EPHB2: variants seen among roughly 807,000 people sequenced by gnomAD.
EPHB2 encodes the protein EPH receptor B2, also known as ephrin type-B receptor 2.
In EPHB2, 18 loss-of-function variants were observed where a neutral mutation model predicts 96.4. The ratio of observed to expected loss-of-function variants is 0.19; its 90% confidence interval spans 0.13 to 0.28. EPHB2 has a LOEUF of 0.28. Ranked by LOEUF, EPHB2 falls within the 10% of genes least tolerant of loss-of-function variation. The pLI, the probability that EPHB2 is intolerant of heterozygous loss-of-function variation, is 1.00. For synonymous variants in EPHB2, 506 were observed against 534.1 expected, an observed-to-expected ratio of 0.95 and a Z score of 0.72; for missense variants, 989 against 1,355.4, an observed-to-expected ratio of 0.73 and a Z score of 4.25.
intron 3 of EPHB2, among the ~76,000 whole-genome samples, chr1:22,791,447 C>G (rs2582019): frequency 7.3e-6 from 1 of 136,576 alleles, no homozygotes. Flanking sequence ...ACATGGGTTT[C>G]TTTCTTTCTT....
At chr1:22,762,082 C>A (rs1469526385) in intron 1 of EPHB2, among the ~76,000 whole-genome samples, 2 of 152,210 alleles carry the variant, frequency 1.3e-5, no homozygotes, top group Admixed American at 1.3e-4. Flanking sequence ...GTGGCAGACG[C>A]CCAGCCTGCC....
At chr1:22,835,241 A>G (rs549321726) in intron 3 of EPHB2, among the ~76,000 whole-genome samples, 2 of 152,160 alleles carry the variant, frequency 1.3e-5, no homozygotes, top group Non-Finnish European at 2.9e-5. Flanking sequence ...TTAGCTGGGC[A>G]TGGTGGCATG....
At chr1:22,897,782 G>C (rs190930075) in intron 9 of EPHB2, among the ~76,000 whole-genome samples, 2 of 151,106 alleles carry the variant, frequency 1.3e-5, no homozygotes, top group East Asian at 1.9e-4. Context: ...GCAAGACTCT[G>C]TCTCAAAATA....
At chr1:22,872,063 G>C (rs1638688064) in intron 5 of EPHB2, among the ~76,000 whole-genome samples, 1 of 152,016 alleles carries the variant, frequency 6.6e-6, no homozygotes. Flanking sequence ...GCTAAAAGCA[G>C]TGTTGGCAGG....
chr1:22,850,255 G>A (rs113267706), intron 3 of EPHB2, among the ~76,000 whole-genome samples: 2,396 of 152,316 alleles, frequency 0.016, 60 homozygotes, highest in African/African-American at 0.054. Context: ...ACCAGACACC[G>A]ACAGAATGAT....
At chr1:22,766,621 G>C (rs948727388) in intron 1 of EPHB2, among the ~76,000 whole-genome samples, 6 of 152,140 alleles carry the variant, frequency 3.9e-5, no homozygotes, top group African/African-American at 1.2e-4. Context: ...TGGTGGTTGG[G>C]GGGAGGAGAG....
At chr1:22,774,628 G>A (rs1216076522) in intron 1 of EPHB2, 6 of 985,152 alleles carry the variant, frequency 6.1e-6, no homozygotes, top group Middle Eastern at 5.2e-4. Flanking sequence ...CACGGAAGAC[G>A]GTGGCTGGAA....
intron 6 of EPHB2, among the ~76,000 whole-genome samples, chr1:22,884,444 A>G (rs1639157376): frequency 6.6e-6 from 1 of 151,964 alleles, no homozygotes; most frequent in South Asian, 2.1e-4. Context: ...ACATGGTGAA[A>G]CCCCATCTCT....
In EPHB2 at chr1:22,725,450, G is replaced by A. The variant is rs368491056; in HGVS notation, c.61+14407G>A. ...TTTTGGATAGTTGGTTGGATAAATCGATGAAATCAATGGATAAATAAACAA... is the reference window on the plus strand; with the variant it reads ...TTTTGGATAGTTGGTTGGATAAATCAATGAAATCAATGGATAAATAAACAA... On this transcript the variant is annotated intron_variant, in intron 1 of 15. Transcript: ENST00000374630. 1.3e-4 allele frequency among the ~76,000 whole-genome samples: 20 copies of A among 152,086 alleles called. 1 individual carries two copies. In the South Asian group the frequency reaches 4.0e-3, roughly 30 times the overall value.
intron 3 of EPHB2, among the ~76,000 whole-genome samples, chr1:22,853,212 G>A (rs1372595097): frequency 1.3e-5 from 2 of 152,252 alleles, no homozygotes; most frequent in African/African-American, 4.8e-5. Context: ...AATTAGCCGG[G>A]TGTGGTGGCG....
intron 1 of EPHB2, among the ~76,000 whole-genome samples, chr1:22,769,645 C>T (rs968836183): frequency 2.0e-5 from 3 of 152,066 alleles, no homozygotes; most frequent in Non-Finnish European, 2.9e-5. Context: ...TGAGCTCCAG[C>T]GATTCACCCA....
intron 1 of EPHB2, among the ~76,000 whole-genome samples, chr1:22,759,608 T>G (rs898151939): frequency 6.6e-6 from 1 of 152,138 alleles, no homozygotes; most frequent in African/African-American, 2.4e-5. Context: ...GACTGCGCTG[T>G]TGCCTTTCAG....
At chr1:22,764,087 G>A (rs1007507958) in intron 1 of EPHB2, among the ~76,000 whole-genome samples, 3 of 152,150 alleles carry the variant, frequency 2.0e-5, no homozygotes, top group Non-Finnish European at 4.4e-5. Context: ...GCTACGTAAG[G>A]CAACATTCCC....
rs1180685273 is a variant in EPHB2 at position 22,858,575 on chromosome 1, G to A, written c.812-4462G>A. Among the ~76,000 whole-genome samples the A allele has an allele frequency of 1.3e-5, 2 of 152,166 alleles. No individual in the cohort carries two copies. The highest frequency in any genetic ancestry group is 2.4e-5 in the African/African-American group (1 of 41,434). ...GGTACAACTGCCTTCCTGTGTTTCAGGTCTCATTGTCTTCTTCCCACTTCT... is the reference window on the plus strand; with the variant it reads ...GGTACAACTGCCTTCCTGTGTTTCAAGTCTCATTGTCTTCTTCCCACTTCT... On this transcript the variant is annotated intron_variant, in intron 3 of 15. Transcript: ENST00000374630. The surrounding 1 kb of genome is among the most constrained non-coding windows in gnomAD (Gnocchi z 7.7).
Position 22,909,211 on chromosome 1 carries a change from C to G in EPHB2, c.2502+40C>G, listed in dbSNP as rs778848953. ...GGATAGGCAAGGCCTCTCTGGCCCACCAGATGGGAGAGGGAAGATCGGGGC... is the reference window on the plus strand; with the variant it reads ...GGATAGGCAAGGCCTCTCTGGCCCAGCAGATGGGAGAGGGAAGATCGGGGC... On this transcript the variant is annotated intron_variant, in intron 13 of 15. Coordinates refer to ENST00000374630, the MANE Select transcript of EPHB2 (RefSeq NM_017449.5). 5.6e-6 allele frequency: 9 copies of G among 1,613,818 alleles called. No homozygotes were observed. In the Admixed American group the frequency reaches 1.0e-4, roughly 18 times the overall value.
chr1:22,898,911 T>C (rs1441249180), intron 9 of EPHB2, among the ~76,000 whole-genome samples: 2 of 152,210 alleles, frequency 1.3e-5, no homozygotes, highest in Non-Finnish European at 2.9e-5. Flanking sequence ...GTTCCTGGGC[T>C]TAAAAATAGT....
rs776644957 is a variant in EPHB2 at position 22,781,523 on chromosome 1, G to A, written c.126+38G>A. The A allele has an allele frequency of 3.9e-5, 62 of 1,608,706 alleles. No individual in the cohort carries two copies. The Admixed American group carries it at 5.8e-4, about 15-fold the overall frequency. On this transcript the variant is annotated intron_variant, in intron 2 of 15. Coordinates refer to ENST00000374630, the MANE Select transcript of EPHB2 (RefSeq NM_017449.5). Reference sequence around the variant, plus strand: ...TCCCCAAACCTTGCATTGGTCCCCAGGATCCCTCAAGCCCTGCTGCAGGGC... The same window carrying A: ...TCCCCAAACCTTGCATTGGTCCCCAAGATCCCTCAAGCCCTGCTGCAGGGC...
chr1:22,729,862 C>T (rs867924399), intron 1 of EPHB2, among the ~76,000 whole-genome samples: 8 of 152,232 alleles, frequency 5.3e-5, no homozygotes, highest in African/African-American at 1.2e-4. Context: ...CCTAGCATAG[C>T]GCCCAGCCCC....
At chr1:22,882,504 G>C (rs1418805957) in intron 6 of EPHB2, 21 bp downstream of exon 6, 1 of 1,612,854 alleles carries the variant, frequency 6.2e-7, no homozygotes, top group Admixed American at 1.7e-5. Flanking sequence ...GCTGGGTGCT[G>C]TCCCCATCAC....
Sources: gnomAD v4.1 joint callset for allele counts (sites outside exome capture counted in the v4.1 genomes callset) on GRCh38, gnomAD v4.1.1 for gene constraint, Gnocchi (gnomAD v3.1) non-coding constraint, MANE v1.5 for transcripts, NCBI Gene and HGNC (gene_info 2026-07-23, HGNC 2026-07-21) for gene names.